Variants in DPYSL2 observed in about 807,000 individuals in gnomAD.
DPYSL2 encodes dihydropyrimidinase like 2, also known as dihydropyrimidinase-related protein 2.
Under a neutral mutation model 69.9 loss-of-function variants are expected in DPYSL2, and 13 were observed. The ratio of observed to expected loss-of-function variants is 0.19; its 90% confidence interval spans 0.12 to 0.30. The LOEUF is 0.30. Among genes scored for constraint, DPYSL2 ranks in the 10% least tolerant of loss-of-function variants. The probability of loss-of-function intolerance (pLI) is 1.00; values close to 1 mark genes in which losing one functional copy is unlikely to be tolerated. For missense variants in DPYSL2, 587 were observed against 918.9 expected (o/e 0.64, Z 4.67); for synonymous variants, 326 against 359.1 (o/e 0.91, Z 1.04).
chr8:26,548,135 G>C (rs1425810052), intron 1 of DPYSL2: 1 of 216,784 alleles, frequency 4.6e-6, no homozygotes, highest in Non-Finnish European at 9.6e-6. Flanking sequence ...TGCTGGAGAG[G>C]ATAAAGGCAG....
At position 26,650,300 on chromosome 8, in the gene DPYSL2, A is replaced by G. The variant is rs1167200873; in HGVS notation, c.1597-1957A>G. The stretch of plus-strand genomic sequence containing the variant: ...GTGTGAACCCAGGGCAGATGTCTCC[A>G]TGGCCGAGGCTGCGCCCATACTCTA... On this transcript the variant is annotated intron_variant, in intron 11 of 13. Transcript: ENST00000521913. The surrounding 1 kb of genome is among the most constrained non-coding windows in gnomAD (Gnocchi z 5.3). 6.6e-6 allele frequency among the ~76,000 whole-genome samples: 1 copy of G among 152,208 alleles called. No homozygotes were observed. The highest frequency in any genetic ancestry group is 2.4e-5 in the African/African-American group (1 of 41,460).
chr8:26,579,660 C>T (rs548031299), intron 1 of DPYSL2, among the ~76,000 whole-genome samples: 2 of 152,162 alleles, frequency 1.3e-5, no homozygotes, highest in African/African-American at 2.4e-5. Flanking sequence ...GGCGTGTGCT[C>T]GGAGGATTTT....
intron 3 of DPYSL2, among the ~76,000 whole-genome samples, chr8:26,589,136 A>G (rs1393451654): frequency 6.6e-6 from 1 of 152,142 alleles, no homozygotes; most frequent in East Asian, 1.9e-4. Flanking sequence ...GACGCGGCCT[A>G]TTCCTGCTGC....
chr8:26,519,084 C>T (rs1808342727), intron 1 of DPYSL2, among the ~76,000 whole-genome samples: 1 of 152,202 alleles, frequency 6.6e-6, no homozygotes, highest in Non-Finnish European at 1.5e-5. Context: ...TTGCATATTG[C>T]ATATGCAATG....
intron 1 of DPYSL2, among the ~76,000 whole-genome samples, chr8:26,563,251 T>C (rs1379992714): frequency 6.6e-6 from 1 of 152,220 alleles, no homozygotes; most frequent in Non-Finnish European, 1.5e-5. Context: ...CTCCTTTCTG[T>C]TCCCAAAACA....
chr8:26,647,817 G>A lies in DPYSL2; in HGVS notation c.1596+17G>A. ...CACAACAGCGTAAGACCTGTTAACT[G>A]TGCAGACCCCATCCAAACGAATTAC... On this transcript the variant is annotated intron_variant, in intron 11 of 13. Transcript: ENST00000521913. The surrounding 1 kb of genome is among the most constrained non-coding windows in gnomAD (Gnocchi z 5.1). The A allele has an allele frequency of 6.3e-7, 1 of 1,594,588 alleles. No homozygotes were observed. Among genetic ancestry groups the A allele is most frequent in the Non-Finnish European group, 8.6e-7 (1 of 1,169,232 alleles).
chr8:26,533,747 G>A lies in DPYSL2; in HGVS notation c.354+19068G>A, dbSNP rs1392047238. ...TGACCACAGCTGTCAAATGTTCTCAGGTGAAGAGGTTGAGAGGACTCCTGG... is the reference window on the plus strand; with the variant it reads ...TGACCACAGCTGTCAAATGTTCTCAAGTGAAGAGGTTGAGAGGACTCCTGG... On this transcript the variant is annotated intron_variant, in intron 1 of 13. Transcript: ENST00000521913. The surrounding 1 kb of genome is among the most constrained non-coding windows in gnomAD (Gnocchi z 4.8). Among the ~76,000 whole-genome samples the A allele has an allele frequency of 6.6e-6, 1 of 152,222 alleles. No individual in the cohort carries two copies. Among genetic ancestry groups the A allele is most frequent in the East Asian group, 1.9e-4 (1 of 5,206 alleles).
At position 26,582,111 on chromosome 8, in the gene DPYSL2, A is replaced by G. The variant is rs1255666862; in HGVS notation, c.443+54A>G. On this transcript the variant is annotated intron_variant, in intron 2 of 13. Transcript: ENST00000521913. The surrounding 1 kb of genome is among the most constrained non-coding windows in gnomAD (Gnocchi z 4.1). Reference sequence around the variant, plus strand: ...ATTTGAACACTTTCCAGACTTCCCAAGTATTAGATACCATTCGCATCCAAA... The same window carrying G: ...ATTTGAACACTTTCCAGACTTCCCAGGTATTAGATACCATTCGCATCCAAA... 5.0e-6 allele frequency: 7 copies of G among 1,403,366 alleles called. No homozygotes were observed. The highest frequency in any genetic ancestry group is 1.2e-5 in the South Asian group (1 of 86,242). The allele number at this position is 1,403,366 out of a possible 1,614,324, so 86.9% of individuals were successfully genotyped here.
chr8:26,588,197 G>T lies in DPYSL2; in HGVS notation c.628+4214G>T, dbSNP rs967976328. Reference sequence around the variant, plus strand: ...TGTACACTGAGCTCTACTCTCCCCCGCATGGCCGGAGAAACAGGCTGAGCT... The same window carrying T: ...TGTACACTGAGCTCTACTCTCCCCCTCATGGCCGGAGAAACAGGCTGAGCT... On this transcript the variant is annotated intron_variant, in intron 3 of 13. Transcript: ENST00000521913. This position sits in a 1 kb window ranked among gnomAD's most constrained non-coding sequence, Gnocchi z 5.4. Among the ~76,000 whole-genome samples the T allele has an allele frequency of 2.6e-5, 4 of 152,182 alleles. No individual in the cohort carries two copies. Among genetic ancestry groups the T allele is most frequent in the Admixed American group, 6.5e-5 (1 of 15,284 alleles).
chr8:26,547,235 C>G (rs935187523), intron 1 of DPYSL2, among the ~76,000 whole-genome samples: 5 of 151,934 alleles, frequency 3.3e-5, no homozygotes, highest in African/African-American at 1.2e-4. Flanking sequence ...TGGTGGCACA[C>G]ACCTGTAATC....
chr8:26,600,736 T>TGAG (rs977975795), intron 3 of DPYSL2, among the ~76,000 whole-genome samples: 20 of 152,160 alleles, frequency 1.3e-4, no homozygotes, highest in African/African-American at 4.3e-4. Flanking sequence ...CTCTCCCCAC[T>TGAG]GAGGACCCTT....
chr8:26,587,858 C>T lies in DPYSL2; in HGVS notation c.628+3875C>T, dbSNP rs1290034761. On this transcript the variant is annotated intron_variant, in intron 3 of 13. Coordinates refer to ENST00000521913, the MANE Select transcript of DPYSL2 (RefSeq NM_001197293.3). This position sits in a 1 kb window ranked among gnomAD's most constrained non-coding sequence, Gnocchi z 4.2. ...TCAGGATCTCAGAGTTTCTAGGAAG[C>T]AGCTGGGAACAGTTACCTCTATTTT... is the stretch of plus-strand genomic sequence containing the variant. Among the ~76,000 whole-genome samples the T allele has an allele frequency of 6.6e-6, 1 of 152,138 alleles. No homozygotes were observed. Among genetic ancestry groups the T allele is most frequent in the Non-Finnish European group, 1.5e-5 (1 of 68,030 alleles).
intron 1 of DPYSL2, among the ~76,000 whole-genome samples, chr8:26,552,850 C>T (rs746919045): frequency 9.2e-5 from 14 of 152,146 alleles, no homozygotes; most frequent in African/African-American, 1.9e-4. Context: ...TGCTGCACTG[C>T]GGATGAAGTT....
chr8:26,533,292 A>AT lies in DPYSL2; in HGVS notation c.354+18620dup, dbSNP rs567402785. ...GGATACTACATCCTTAATATATATT[A>AT]TTTTTTTCTCCTGCTCTGTGGATTG... On this transcript the variant is annotated intron_variant, in intron 1 of 13. Transcript: ENST00000521913. This position sits in a 1 kb window ranked among gnomAD's most constrained non-coding sequence, Gnocchi z 4.8. Among the ~76,000 whole-genome samples, 4 of 152,010 alleles carry AT rather than the reference A, an allele frequency of 2.6e-5. No homozygotes were observed. Among genetic ancestry groups the AT allele is most frequent in the African/African-American group, 7.3e-5 (3 of 41,376 alleles).
At chr8:26,577,339 G>C (rs932582896) in intron 1 of DPYSL2, 34 of 210,506 alleles carry the variant, frequency 1.6e-4, no homozygotes, top group Non-Finnish European at 2.7e-4. Context: ...CGCCGTTCCA[G>C]TCCTCAGCCG....
At chr8:26,599,331 A>G (rs372021836) in intron 3 of DPYSL2, among the ~76,000 whole-genome samples, 11 of 152,128 alleles carry the variant, frequency 7.2e-5, no homozygotes, top group African/African-American at 2.7e-4. Context: ...GGTGGCCCCT[A>G]CTGACTTGTA....
At chr8:26,544,759 T>C (rs1245939975) in intron 1 of DPYSL2, among the ~76,000 whole-genome samples, 1 of 152,200 alleles carries the variant, frequency 6.6e-6, no homozygotes, top group Non-Finnish European at 1.5e-5. Context: ...ACAAAATGAA[T>C]AGATACACTT....
At chr8:26,527,405 C>T (rs76021647) in intron 1 of DPYSL2, among the ~76,000 whole-genome samples, 10,927 of 152,084 alleles carry the variant, frequency 0.072, 463 homozygotes, top group South Asian at 0.22. Context: ...AGTAATTTTT[C>T]GTAAGCTTAT....
intron 1 of DPYSL2, among the ~76,000 whole-genome samples, chr8:26,528,590 T>A (rs1585490384): frequency 6.7e-6 from 1 of 148,288 alleles, no homozygotes; most frequent in Admixed American, 6.8e-5. Context: ...GAGGTTGCAG[T>A]GAGCCAAGAT....
Sources: gnomAD v4.1 joint callset for allele counts (sites outside exome capture counted in the v4.1 genomes callset) on GRCh38, gnomAD v4.1.1 for gene constraint, Gnocchi (gnomAD v3.1) non-coding constraint, MANE v1.5 for transcripts, NCBI Gene and HGNC (gene_info 2026-07-23, HGNC 2026-07-21) for gene names.